The following TOP6BL variants were observed in gnomAD, a reference collection of about 807,000 sequenced individuals.
The protein encoded by TOP6BL is type 2 DNA topoisomerase 6 subunit B-like.
the TOP6BL span, among the ~76,000 whole-genome samples, chr11:66,827,073 C>A: frequency 1.3e-5 from 2 of 151,556 alleles, no homozygotes; most frequent in East Asian, 3.9e-4. Context: ...CCTCTGCCTC[C>A]CAGGTTCAAG....
chr11:66,797,377 C>CT, the TOP6BL span, among the ~76,000 whole-genome samples: 5 of 152,096 alleles, frequency 3.3e-5, no homozygotes, highest in South Asian at 2.1e-4. Context: ...GTTATTTTCA[C>CT]TTTTTTTTAT....
the TOP6BL span, chr11:66,801,146 C>T: frequency 2.1e-5 from 33 of 1,569,440 alleles, no homozygotes; most frequent in African/African-American, 4.3e-4. Flanking sequence ...GTTTTACTCT[C>T]CTCTCGAGTA....
At chr11:66,776,065 C>CTT in the TOP6BL span, among the ~76,000 whole-genome samples, 5 of 145,538 alleles carry the variant, frequency 3.4e-5, no homozygotes, top group East Asian at 6.0e-4. Context: ...TATATGGCTT[C>CTT]TTTTTTTTTT....
At chr11:66,793,507 G>GTGA in the TOP6BL span, among the ~76,000 whole-genome samples, 1 of 135,186 alleles carries the variant, frequency 7.4e-6, no homozygotes. Context: ...GTACAGTGGT[G>GTGA]TGATCTTGGC....
chr11:66,799,180 A>G, the TOP6BL span, among the ~76,000 whole-genome samples: 2 of 135,638 alleles, frequency 1.5e-5, no homozygotes, highest in Non-Finnish European at 3.1e-5. Flanking sequence ...GCACTCCAGC[A>G]TGGGTGACAG....
At chr11:66,757,371 C>A in the TOP6BL span, among the ~76,000 whole-genome samples, 1 of 152,004 alleles carries the variant, frequency 6.6e-6, no homozygotes, top group East Asian at 1.9e-4. Context: ...ATGAAAAAGA[C>A]TATCTGTTGT....
At chr11:66,768,675 T>G in the TOP6BL span, among the ~76,000 whole-genome samples, 10,544 of 152,024 alleles carry the variant, frequency 0.069, 552 homozygotes, top group Middle Eastern at 0.14. Context: ...TTTGTTTTTT[T>G]TTTTTTTTGC....
At chr11:66,792,225 A>T in the TOP6BL span, among the ~76,000 whole-genome samples, 7 of 152,168 alleles carry the variant, frequency 4.6e-5, 1 homozygote, top group African/African-American at 1.7e-4. Flanking sequence ...ACTTTATCCT[A>T]ACTCTGGGAT....
the TOP6BL span, among the ~76,000 whole-genome samples, chr11:66,764,060 T>C: frequency 6.6e-6 from 1 of 152,214 alleles, no homozygotes; most frequent in Non-Finnish European, 1.5e-5. Context: ...AAGACAGATT[T>C]GGTTTCTCCC....
chr11:66,821,348 C>T, the TOP6BL span, among the ~76,000 whole-genome samples: 6 of 148,114 alleles, frequency 4.1e-5, no homozygotes, highest in South Asian at 8.5e-4. Context: ...AGCGCAGTGG[C>T]ACAATCTTGG....
the TOP6BL span, chr11:66,828,429 G>C: frequency 7.9e-7 from 1 of 1,263,128 alleles, no homozygotes; most frequent in Admixed American, 1.9e-5. Context: ...ATCCTGAATT[G>C]AGGGTGGGTA....
the TOP6BL span, among the ~76,000 whole-genome samples, chr11:66,773,417 G>A: frequency 6.6e-6 from 1 of 151,580 alleles, no homozygotes; most frequent in Non-Finnish European, 1.5e-5. Flanking sequence ...TTTTATCTAA[G>A]TTATTGGGTT....
chr11:66,752,857 G>A, the TOP6BL span, among the ~76,000 whole-genome samples: 1 of 152,136 alleles, frequency 6.6e-6, no homozygotes, highest in African/African-American at 2.4e-5. Context: ...GGCCAGGCGC[G>A]GTGGCTCACG....
At chr11:66,815,807 T>C in the TOP6BL span, 9 of 380,816 alleles carry the variant, frequency 2.4e-5, no homozygotes, top group African/African-American at 1.8e-4. Context: ...TTCTCAGTAA[T>C]GTAAAGGAGT....
the TOP6BL span, among the ~76,000 whole-genome samples, chr11:66,761,398 G>C: frequency 6.6e-6 from 1 of 151,574 alleles, no homozygotes; most frequent in Admixed American, 6.6e-5. Flanking sequence ...AAGATAAAAA[G>C]GAAAAAAGAA....
chr11:66,791,144 C>T, the TOP6BL span, among the ~76,000 whole-genome samples: 2 of 152,192 alleles, frequency 1.3e-5, no homozygotes, highest in East Asian at 3.9e-4. Context: ...AGGTTCACAG[C>T]AAAGGCTAAT....
At chr11:66,765,795 C>T in the TOP6BL span, among the ~76,000 whole-genome samples, 7 of 152,322 alleles carry the variant, frequency 4.6e-5, no homozygotes, top group Admixed American at 1.3e-4. Flanking sequence ...GGATTACAGG[C>T]GTAAGCCACT....
chr11:66,816,037 A>T, the TOP6BL span: 6 of 1,576,628 alleles, frequency 3.8e-6, no homozygotes, highest in Non-Finnish European at 5.2e-6. Flanking sequence ...AATTCGTGTA[A>T]TATCTTGTCC....
At chr11:66,821,407 C>T in the TOP6BL span, among the ~76,000 whole-genome samples, 3 of 152,124 alleles carry the variant, frequency 2.0e-5, no homozygotes, top group South Asian at 6.2e-4. Context: ...CCTGCCTCAG[C>T]CTCCCGAGTA....
Sources: gnomAD v4.1 joint callset for allele counts (sites outside exome capture counted in the v4.1 genomes callset) on GRCh38, gnomAD v4.1.1 for gene constraint, MANE v1.5 for transcripts, NCBI Gene and HGNC (gene_info 2026-07-23, HGNC 2026-07-21) for gene names.